The following SLC32A1 variants were observed in gnomAD, a reference collection of about 807,000 sequenced individuals.
SLC32A1 encodes vesicular inhibitory amino acid transporter.
SLC32A1 carries 8 observed loss-of-function variants against 35.5 expected under a neutral mutation model. The observed-to-expected ratio is 0.23, with a 90% CI of 0.13 to 0.41. SLC32A1 has a LOEUF of 0.41. Among genes scored for constraint, SLC32A1 ranks in the 10% least tolerant of loss-of-function variants. The pLI, the probability that SLC32A1 is intolerant of heterozygous loss-of-function variation, is 1.00. For synonymous variants in SLC32A1, 317 were observed against 326.3 expected (o/e 0.97, Z 0.31); for missense variants, 493 against 722.3 (o/e 0.68, Z 3.64).
In SLC32A1 at chr20:38,727,174, C is replaced by T. The variant is rs2084279387; in HGVS notation, c.391-278C>T. Among the ~76,000 whole-genome samples the T allele has an allele frequency of 2.6e-5, 4 of 152,290 alleles. No individual in the cohort carries two copies. In the South Asian group the frequency reaches 8.3e-4, roughly 32 times the overall value. ...TATTCTCAGCCCTCTCCCACCCTAGCCCTCTCGCTATCACCAGCCATTAGC... is the reference window on the plus strand; with the variant it reads ...TATTCTCAGCCCTCTCCCACCCTAGTCCTCTCGCTATCACCAGCCATTAGC... On this transcript the variant is annotated intron_variant, in intron 1 of 1. Transcript: ENST00000217420.
In SLC32A1 at chr20:38,725,202, C is replaced by A; in HGVS notation, c.390+88C>A. 2.1e-6 allele frequency: 3 copies of A among 1,448,718 alleles called. No homozygotes were observed. The African/African-American group carries it at 4.3e-5, about 21-fold the overall frequency. 89.7% of individuals were successfully genotyped at this position (1,448,718 alleles called of 1,614,324 possible). ...GCCCCCGACAGTCGCCCGGTGATCTCGGCCTGGAGACCCCCTCCTGTACCC... is the reference window on the plus strand; with the variant it reads ...GCCCCCGACAGTCGCCCGGTGATCTAGGCCTGGAGACCCCCTCCTGTACCC... On this transcript the variant is annotated intron_variant, in intron 1 of 1. Transcript: ENST00000217420.
chr20:38,726,958 C>T lies in SLC32A1; in HGVS notation c.391-494C>T, dbSNP rs2084278374. ...GTTTTCCTCTTTAGCTCCCGTGCCC[C>T]ATTCCAGCCCCACCACAAATCCCGT... On this transcript the variant is annotated intron_variant, in intron 1 of 1. Transcript: ENST00000217420. The surrounding 1 kb of genome is among the most constrained non-coding windows in gnomAD (Gnocchi z 4.7). Among the ~76,000 whole-genome samples the T allele has an allele frequency of 6.6e-6, 1 of 152,098 alleles. No homozygotes were observed. Among genetic ancestry groups the T allele is most frequent in the African/African-American group, 2.4e-5 (1 of 41,406 alleles).
At position 38,728,782 on chromosome 20, in the gene SLC32A1, G is replaced by C. The variant is rs2084288550; in HGVS notation, c.*143G>C. 3 of 640,410 alleles carry C rather than the reference G, an allele frequency of 4.7e-6. No individual in the cohort carries two copies. The highest frequency in any genetic ancestry group is 7.9e-6 in the Non-Finnish European group (3 of 378,264). The allele number at this position is 640,410 out of a possible 1,614,324, so 39.7% of individuals were successfully genotyped here. A position where few individuals can be genotyped will look rare whatever the true frequency, so the allele number is the denominator to read the frequency against. On this transcript the variant is annotated 3_prime_UTR_variant, in exon 2 of 2. Coordinates refer to ENST00000217420, the MANE Select transcript of SLC32A1 (RefSeq NM_080552.3). ...TGGTTCCTAGTTTCTGATTATTCGG[G>C]GATGGGGGGGATGGGAGGGGACAGG...
chr20:38,725,837 CA>C (rs2084273993), intron 1 of SLC32A1, among the ~76,000 whole-genome samples: 1 of 152,212 alleles, frequency 6.6e-6, no homozygotes, highest in African/African-American at 2.4e-5. Flanking sequence ...TGGAGACATA[CA>C]GGTATACACA....
rs2084277367 is a variant in SLC32A1 at position 38,726,663 on chromosome 20, G to A, written c.391-789G>A. ...GCCTTCCCGCCAAGCTCCTCCTCCTGCTTGCCTCCCCAGCCTCCACTTAGT... is the reference window on the plus strand; with the variant it reads ...GCCTTCCCGCCAAGCTCCTCCTCCTACTTGCCTCCCCAGCCTCCACTTAGT... On this transcript the variant is annotated intron_variant, in intron 1 of 1. Coordinates refer to ENST00000217420, the MANE Select transcript of SLC32A1 (RefSeq NM_080552.3). The surrounding 1 kb of genome is among the most constrained non-coding windows in gnomAD (Gnocchi z 4.7). Among the ~76,000 whole-genome samples, 2 of 152,094 alleles carry A rather than the reference G, an allele frequency of 1.3e-5. No individual in the cohort carries two copies. Among genetic ancestry groups the A allele is most frequent in the African/African-American group, 4.8e-5 (2 of 41,406 alleles).
In SLC32A1 at chr20:38,728,761, T is replaced by A; in HGVS notation, c.*122T>A. ...AGGCCAAGCTTTAAACATCTCTGGT[T>A]CCTAGTTTCTGATTATTCGGGGATG... On this transcript the variant is annotated 3_prime_UTR_variant, in exon 2 of 2. Transcript: ENST00000217420. 1 of 416,700 alleles carries A rather than the reference T, an allele frequency of 2.4e-6. No homozygotes were observed. Among genetic ancestry groups the A allele is most frequent in the Non-Finnish European group, 4.2e-6 (1 of 237,546 alleles). 25.8% of individuals were successfully genotyped at this position (416,700 alleles called of 1,614,324 possible). A position where few individuals can be genotyped will look rare whatever the true frequency, so the allele number is the denominator to read the frequency against.
rs768181990 is a variant in SLC32A1 at position 38,724,739 on chromosome 20, C to T, written c.15C>T (p.Leu5=). MATL[L]RSKLSNVATS... ...CCACCGCCGCCATGGCCACCTTGCT[C>T]CGCAGCAAGCTGTCCAACGTGGCCA... Residue 5 remains leucine (L), a synonymous_variant, in exon 1 of 2, where the codon CTC becomes CTT. Transcript: ENST00000217420. The T allele has an allele frequency of 2.5e-6, 4 of 1,609,666 alleles. No homozygotes were observed. The highest frequency in any genetic ancestry group is 3.8e-4 in the Middle Eastern group (2 of 5,258).
In SLC32A1 at chr20:38,724,974, C is replaced by T. The variant is rs370067437; in HGVS notation, c.250C>T (p.His84Tyr). ...GAEAPVEGDI[H>Y]YQRGSGAPLP... ...TGAAGCGCCCGTCGAGGGAGACATC[C>T]ATTATCAGCGAGGCAGCGGAGCTCC... Residue 84 changes from histidine (H) to tyrosine (Y), a missense_variant, in exon 1 of 2, where the codon CAT becomes TAT. Coordinates refer to ENST00000217420, the MANE Select transcript of SLC32A1 (RefSeq NM_080552.3). 2 of 1,598,988 alleles carry T rather than the reference C, an allele frequency of 1.3e-6. No homozygotes were observed. Among genetic ancestry groups the T allele is most frequent in the Non-Finnish European group, 1.7e-6 (2 of 1,172,042 alleles).
In SLC32A1 at chr20:38,728,665, C is replaced by A; in HGVS notation, c.*26C>A. The A allele has an allele frequency of 6.4e-7, 1 of 1,553,602 alleles. No homozygotes were observed. Among genetic ancestry groups the A allele is most frequent in the African/African-American group, 1.4e-5 (1 of 73,440 alleles). ...GGCGCAAGGGCGAGCCCCCGCCGCGCTTCTGCGCTCTCTCCCTTCTCCCCT... is the reference window on the plus strand; with the variant it reads ...GGCGCAAGGGCGAGCCCCCGCCGCGATTCTGCGCTCTCTCCCTTCTCCCCT... On this transcript the variant is annotated 3_prime_UTR_variant, in exon 2 of 2. Transcript: ENST00000217420.
Position 38,728,204 on chromosome 20 carries a change from G to T in SLC32A1, c.1143G>T (p.Val381=). The T allele has an allele frequency of 6.2e-7, 1 of 1,614,176 alleles. No individual in the cohort carries two copies. Among genetic ancestry groups the T allele is most frequent in the South Asian group, 1.1e-5 (1 of 91,086 alleles). ...TDNLPGSIRA[V]VNIFLVAKAL... ...ACCTGCCCGGCTCCATCCGCGCCGT[G>T]GTCAACATCTTTCTGGTGGCCAAGG... Residue 381 remains valine (V), a synonymous_variant, in exon 2 of 2, where the codon GTG becomes GTT. Transcript: ENST00000217420.
rs2084282607 is a variant in SLC32A1, at chr20:38,727,686, G to A, written c.625G>A (p.Ala209Thr). 12 of 1,614,226 alleles carry A rather than the reference G, an allele frequency of 7.4e-6. No individual in the cohort carries two copies. In the East Asian group the frequency reaches 2.7e-4, roughly 36 times the overall value. Residue 209 changes from alanine to threonine, a missense_variant, in exon 2 of 2, where the codon GCG becomes ACG. Around this residue, in one of 4 missense-constraint regions of SLC32A1, gnomAD observed 269 missense variants for 445.6 expected, o/e 0.60. Transcript: ENST00000217420. ...PTLGGRVVNV[A>T]QIIELVMTCI... The stretch of plus-strand genomic sequence containing the variant: ...GCTGGGCGGCCGAGTGGTGAACGTA[G>A]CGCAGATCATCGAGCTGGTGATGAC...
intron 1 of SLC32A1, among the ~76,000 whole-genome samples, chr20:38,727,231 C>T (rs181879058): frequency 1.3e-4 from 20 of 152,278 alleles, no homozygotes; most frequent in African/African-American, 4.6e-4. Flanking sequence ...GTCCATACAT[C>T]CCTCCCTCTC....
chr20:38,724,564 C>G lies in SLC32A1; in HGVS notation c.-161C>G. The G allele has an allele frequency of 1.1e-6, 1 of 916,430 alleles. No homozygotes were observed. Among genetic ancestry groups the G allele is most frequent in the Non-Finnish European group, 1.6e-6 (1 of 627,612 alleles). 56.8% of individuals were successfully genotyped at this position (916,430 alleles called of 1,614,324 possible). A position where few individuals can be genotyped will look rare whatever the true frequency, so the allele number is the denominator to read the frequency against. ...TTGCCCGGTCCAGCCCTGAGAGAGC[C>G]TCGAACGCCAGCTGCGAGGGTCATG... On this transcript the variant is annotated 5_prime_UTR_variant, in exon 1 of 2. Coordinates refer to ENST00000217420, the MANE Select transcript of SLC32A1 (RefSeq NM_080552.3).
Position 38,728,024 on chromosome 20 carries a change from C to T in SLC32A1, c.963C>T (p.Ile321=). 1 of 1,614,102 alleles carries T rather than the reference C, an allele frequency of 6.2e-7. No individual in the cohort carries two copies. Reference sequence around the variant, plus strand: ...TCGTGTTCAGCTACACGTCTCAGATCTTCCTGCCTTCGCTGGAGGGCAATA... The same window carrying T: ...TCGTGTTCAGCTACACGTCTCAGATTTTCCTGCCTTCGCTGGAGGGCAATA... ...GIIVFSYTSQ[I]FLPSLEGNMQ... is the part of the protein sequence containing the mutation. Residue 321 remains isoleucine (I), a synonymous_variant, in exon 2 of 2, where the codon ATC becomes ATT. Transcript: ENST00000217420.
chr20:38,726,612 C>T lies in SLC32A1; in HGVS notation c.391-840C>T, dbSNP rs893223957. Among the ~76,000 whole-genome samples, 8 of 152,158 alleles carry T rather than the reference C, an allele frequency of 5.3e-5. No individual in the cohort carries two copies. Among genetic ancestry groups the T allele is most frequent in the African/African-American group, 1.9e-4 (8 of 41,430 alleles). On this transcript the variant is annotated intron_variant, in intron 1 of 1. Coordinates refer to ENST00000217420, the MANE Select transcript of SLC32A1 (RefSeq NM_080552.3). This position sits in a 1 kb window ranked among gnomAD's most constrained non-coding sequence, Gnocchi z 4.7. ...AAGCTTCTGGTTCTAGACTCTTGCT[C>T]GGTTCGGCTTTCTGGCCTCCCTGGC...
At position 38,728,743 on chromosome 20, in the gene SLC32A1, G is replaced by C; in HGVS notation, c.*104G>C. 1 of 863,360 alleles carries C rather than the reference G, an allele frequency of 1.2e-6. No homozygotes were observed. Among genetic ancestry groups the C allele is most frequent in the Non-Finnish European group, 1.7e-6 (1 of 593,466 alleles). The allele number at this position is 863,360 out of a possible 1,614,324, so 53.5% of individuals were successfully genotyped here. A position where few individuals can be genotyped will look rare whatever the true frequency, so the allele number is the denominator to read the frequency against. ...CCTGCCGCCGCGCTTGGGAGGCCAAGCTTTAAACATCTCTGGTTCCTAGTT... is the reference window on the plus strand; with the variant it reads ...CCTGCCGCCGCGCTTGGGAGGCCAACCTTTAAACATCTCTGGTTCCTAGTT... On this transcript the variant is annotated 3_prime_UTR_variant, in exon 2 of 2. Transcript: ENST00000217420.
At chr20:38,725,321 GCACC>G (rs750353616) in intron 1 of SLC32A1, among the ~76,000 whole-genome samples, 13 of 152,166 alleles carry the variant, frequency 8.5e-5, no homozygotes, top group Non-Finnish European at 1.9e-4. Flanking sequence ...CCTCCCAACG[GCACC>G]AGCTGCAAGA....
Position 38,728,424 on chromosome 20 carries a change from C to T in SLC32A1, c.1363C>T (p.Leu455=), listed in dbSNP as rs2084286772. The T allele has an allele frequency of 6.2e-7, 1 of 1,610,894 alleles. No homozygotes were observed. The change falls in exon 2 of 2, where the codon CTG becomes TTG. Residue 455 remains leucine (L), a synonymous_variant. Transcript: ENST00000217420. Reference sequence around the variant, plus strand: ...GGCCATTTATGTGCCGCACTTCGCGCTGCTCATGGGCCTCACCGGCAGCCT... The same window carrying T: ...GGCCATTTATGTGCCGCACTTCGCGTTGCTCATGGGCCTCACCGGCAGCCT... The part of the protein sequence containing the change: ...LMAIYVPHFA[L]LMGLTGSLTG...
Position 38,727,783 on chromosome 20 carries a change from A to T in SLC32A1, c.722A>T (p.Lys241Met). 6.2e-7 allele frequency: 1 copy of T among 1,614,200 alleles called. No homozygotes were observed. The highest frequency in any genetic ancestry group is 8.5e-7 in the Non-Finnish European group (1 of 1,180,048). ...NSFPGLPVSQ[K>M]SWSIIATAVL... ...TTCCCGGGGCTGCCCGTGTCGCAGA[A>T]GTCCTGGTCCATTATCGCCACGGCC... is the stretch of plus-strand genomic sequence containing the variant. The change falls in exon 2 of 2, where the codon AAG becomes ATG. Residue 241 changes from lysine to methionine, a missense_variant. Physicochemically the swap from Lys to Met is moderately conservative, Grantham distance 95 (BLOSUM62 -1). This residue lies in a region of SLC32A1 where 269 missense variants were observed against 445.6 expected (regional missense o/e 0.60). Transcript: ENST00000217420.
Sources: allele counts gnomAD v4.1 joint callset (sites outside exome capture counted in the v4.1 genomes callset), GRCh38; gene constraint gnomAD v4.1.1; regional missense constraint gnomAD v4.1.1; non-coding constraint Gnocchi (gnomAD v3.1); transcripts MANE v1.5; gene names NCBI Gene and HGNC (gene_info 2026-07-23, HGNC 2026-07-21).